The following KSR2 variants were observed in gnomAD, a reference collection of about 807,000 sequenced individuals.
KSR2 encodes the protein kinase suppressor of ras 2.
KSR2 carries 25 observed loss-of-function variants against 107.8 expected under a neutral mutation model. The observed-to-expected ratio is 0.23, with a 90% confidence interval of 0.17 to 0.32. The LOEUF is 0.32. Ranked by LOEUF, KSR2 falls within the 10% of genes least tolerant of loss-of-function variation. KSR2 has a pLI of 1.00. For synonymous variants in KSR2, 480 were observed against 507.0 expected (o/e 0.95, Z 0.71); for missense variants, 887 against 1,268.9 (o/e 0.70, Z 4.57).
At position 117,453,555 on chromosome 12, in the gene KSR2, T is replaced by C. The variant is rs1870440622; in HGVS notation, c.*13644A>G. On this transcript the variant is annotated 3_prime_UTR_variant, in exon 20 of 20. Transcript: ENST00000339824. ...TATATGTATAATATTTATAGGTCTA[T>C]ATACTTTGTGTATAGAAAAAGATAA... The C allele has an allele frequency of 6.6e-6, 1 of 152,092 alleles. No individual in the cohort carries two copies. The highest frequency in any genetic ancestry group is 1.5e-5 in the Non-Finnish European group (1 of 67,996). The allele number at this position is 152,092 out of a possible 1,614,324, so 9.4% of individuals were successfully genotyped here.
chr12:117,661,108 C>T (rs1192051955), intron 5 of KSR2, among the ~76,000 whole-genome samples: 7 of 152,236 alleles, frequency 4.6e-5, no homozygotes, highest in African/African-American at 1.4e-4. Context: ...CAGGAGGAAA[C>T]ATCGGGCAGA....
At chr12:117,632,119 T>C (rs1882834774) in intron 5 of KSR2, among the ~76,000 whole-genome samples, 1 of 151,972 alleles carries the variant, frequency 6.6e-6, no homozygotes, top group South Asian at 2.1e-4. Context: ...ATTCTCAATT[T>C]ACAGCAGTAA....
At chr12:117,600,678 A>G (rs561699069) in intron 5 of KSR2, among the ~76,000 whole-genome samples, 1 of 152,328 alleles carries the variant, frequency 6.6e-6, no homozygotes, top group East Asian at 1.9e-4. Flanking sequence ...CACTTTGTCA[A>G]TAGGACCTTG....
intron 14 of KSR2, among the ~76,000 whole-genome samples, chr12:117,491,906 C>T (rs1592924147): frequency 6.6e-6 from 1 of 152,238 alleles, no homozygotes; most frequent in Non-Finnish European, 1.5e-5. Context: ...CTATCCCCAT[C>T]GCCTACGGCA....
At chr12:117,789,434 C>A (rs920717299) in intron 3 of KSR2, among the ~76,000 whole-genome samples, 2 of 152,198 alleles carry the variant, frequency 1.3e-5, no homozygotes, top group African/African-American at 4.8e-5. Context: ...GAGATGCTTC[C>A]ACCTCTGTTG....
intron 4 of KSR2, among the ~76,000 whole-genome samples, chr12:117,754,958 A>G (rs1280288280): frequency 6.6e-6 from 1 of 152,234 alleles, no homozygotes; most frequent in African/African-American, 2.4e-5. Context: ...CATTCCATTC[A>G]GAGGAAATAA....
chr12:117,470,055 T>C (rs1171805917), intron 18 of KSR2, among the ~76,000 whole-genome samples: 1 of 151,636 alleles, frequency 6.6e-6, no homozygotes, highest in African/African-American at 2.4e-5. Context: ...ATCCAGTCAA[T>C]TCACTCTTCC....
rs148322300 is a variant in KSR2 at position 117,697,400 on chromosome 12, C to T, written c.987-29742G>A. On this transcript the variant is annotated intron_variant, in intron 4 of 19. Coordinates refer to ENST00000339824, the MANE Select transcript of KSR2 (RefSeq NM_173598.6). Reference sequence around the variant, plus strand: ...ATGTTTATTTAATGAAAGTTCAAGACGCTATCTGCTTAGAAATATGCATTT... The same window carrying T: ...ATGTTTATTTAATGAAAGTTCAAGATGCTATCTGCTTAGAAATATGCATTT... Among the ~76,000 whole-genome samples the T allele has an allele frequency of 5.9e-5, 9 of 152,284 alleles. No individual in the cohort carries two copies. In the South Asian group the frequency reaches 8.3e-4, roughly 14 times the overall value.
chr12:117,544,303 G>A (rs996372575), intron 9 of KSR2, among the ~76,000 whole-genome samples: 1 of 152,112 alleles, frequency 6.6e-6, no homozygotes, highest in Admixed American at 6.5e-5. Context: ...GTTTCCATAT[G>A]TTAATTGCTA....
chr12:117,942,096 AT>A (rs374438112), intron 1 of KSR2, among the ~76,000 whole-genome samples: 1 of 152,210 alleles, frequency 6.6e-6, no homozygotes, highest in African/African-American at 2.4e-5. Context: ...GTATGTATAC[AT>A]AATAGTTGTA....
intron 1 of KSR2, among the ~76,000 whole-genome samples, chr12:117,955,930 T>C (rs1896499104): frequency 6.6e-6 from 1 of 151,942 alleles, no homozygotes; most frequent in South Asian, 2.1e-4. Context: ...ATCTAAAATG[T>C]TATCATTTTA....
Position 117,487,367 on chromosome 12 carries a change from G to A in KSR2, c.2220-1676C>T, listed in dbSNP as rs143670448. ...TCATCTGCTTAAGGCGACAGTCCCC[G>A]GGTAGCTGACTCACAGAAAGTCTGA... On this transcript the variant is annotated intron_variant, in intron 14 of 19. Transcript: ENST00000339824. Among the ~76,000 whole-genome samples the A allele has an allele frequency of 4.6e-3, 706 of 152,242 alleles. 6 individuals are homozygous for A. Among genetic ancestry groups the A allele is most frequent in the African/African-American group, 0.016 (653 of 41,536 alleles).
chr12:117,813,529 T>A (rs894994725), intron 3 of KSR2, among the ~76,000 whole-genome samples: 2 of 152,114 alleles, frequency 1.3e-5, no homozygotes, highest in Admixed American at 6.6e-5. Context: ...AACAGGTATA[T>A]GAAGAAATGC....
chr12:117,455,052 G>GAGAGAGAGAT lies in KSR2; in HGVS notation c.*12146_*12147insATCTCTCTCT. Reference sequence around the variant, plus strand: ...AGACAGACAGAGAGAGAGAGAGAGAGAGAGAGAGAGAGAGAGAGAGGTCTG... The same window carrying GAGAGAGAGAT: ...AGACAGACAGAGAGAGAGAGAGAGAGAGAGAGAGATAGAGAGAGAGAGAGAGAGAGGTCTG... On this transcript the variant is annotated 3_prime_UTR_variant, in exon 20 of 20. Transcript: ENST00000339824. The GAGAGAGAGAT allele has an allele frequency of 6.6e-6, 1 of 151,406 alleles. No individual in the cohort carries two copies. The highest frequency in any genetic ancestry group is 2.4e-5 in the African/African-American group (1 of 40,980). 9.4% of individuals were successfully genotyped at this position (151,406 alleles called of 1,614,324 possible).
chr12:117,789,219 T>C (rs773631019), intron 3 of KSR2, among the ~76,000 whole-genome samples: 6 of 152,128 alleles, frequency 3.9e-5, no homozygotes, highest in Non-Finnish European at 8.8e-5. Context: ...CTCCGTAAAA[T>C]GGTAGGTGGA....
chr12:117,728,194 T>A (rs1271708832), intron 4 of KSR2, among the ~76,000 whole-genome samples: 4 of 152,156 alleles, frequency 2.6e-5, no homozygotes, highest in Non-Finnish European at 5.9e-5. Flanking sequence ...TTTTATTGTA[T>A]ATAATTTATA....
chr12:117,512,283 T>C (rs374917467), intron 14 of KSR2, among the ~76,000 whole-genome samples: 17 of 152,290 alleles, frequency 1.1e-4, no homozygotes, highest in African/African-American at 3.6e-4. Context: ...GGACACTGAG[T>C]GTCCCAAGCT....
At chr12:117,794,318 T>G (rs1201807698) in intron 3 of KSR2, among the ~76,000 whole-genome samples, 3 of 71,454 alleles carry the variant, frequency 4.2e-5, no homozygotes, top group African/African-American at 1.3e-4. Flanking sequence ...CACACCAACA[T>G]GCACTCACAC....
intron 5 of KSR2, among the ~76,000 whole-genome samples, chr12:117,622,860 T>G (rs1882264977): frequency 6.6e-6 from 1 of 152,188 alleles, no homozygotes; most frequent in South Asian, 2.1e-4. Context: ...GCAAGAAATA[T>G]AAGAAGAAAG....
Sources: allele counts gnomAD v4.1 joint callset (sites outside exome capture counted in the v4.1 genomes callset), GRCh38; gene constraint gnomAD v4.1.1; transcripts MANE v1.5; gene names NCBI Gene and HGNC (gene_info 2026-07-23, HGNC 2026-07-21).